The following KDM2B variants were observed in gnomAD, a reference collection of about 807,000 sequenced individuals.
KDM2B encodes the protein lysine demethylase 2B, also known as lysine-specific demethylase 2B.
Under a neutral mutation model 150.0 loss-of-function variants are expected in KDM2B, and 26 were observed. The ratio of observed to expected loss-of-function variants is 0.17; its 90% confidence interval spans 0.13 to 0.24. KDM2B has a LOEUF of 0.24. KDM2B is among the 10% of genes least tolerant of loss of function. The pLI is 1.00. For synonymous variants in KDM2B, 734 were observed against 729.5 expected (o/e 1.01, Z -0.10); for missense variants, 1,265 against 1,816.9 (o/e 0.70, Z 5.52).
At chr12:121,423,982 T>G in the KDM2B span, 2 of 160,840 alleles carry the variant, frequency 1.2e-5, no homozygotes. This position sits in a 1 kb window ranked among gnomAD's most constrained non-coding sequence, Gnocchi z 4.3. Context: ...TGTCCACAAG[T>G]GGCCGACATG....
intron 22 of KDM2B, among the ~76,000 whole-genome samples, chr12:121,431,321 T>C (rs1383754511): frequency 8.6e-6 from 1 of 116,728 alleles, no homozygotes; most frequent in Non-Finnish European, 1.9e-5. Context: ...TTTTTTTTTT[T>C]TGTAGTAAGT....
chr12:121,494,389 C>T (rs1446231920), intron 12 of KDM2B, 190 bp downstream of exon 12: 1 of 541,234 alleles, frequency 1.8e-6, no homozygotes, highest in Non-Finnish European at 3.3e-6. Context: ...TCGCAGTTCC[C>T]ACAGCTAGGT....
downstream of KDM2B, among the ~76,000 whole-genome samples, chr12:121,425,354 T>C (rs1227855779): frequency 6.6e-6 from 1 of 151,432 alleles, no homozygotes; most frequent in South Asian, 2.1e-4. Flanking sequence ...TGCAAAAATG[T>C]TGTGAAATCT....
chr12:121,545,127 C>T (rs1555310488), intron 6 of KDM2B, among the ~76,000 whole-genome samples: 1 of 152,188 alleles, frequency 6.6e-6, no homozygotes, highest in East Asian at 1.9e-4. Flanking sequence ...TTAAATTCTA[C>T]AGAACTGTTC....
At chr12:121,433,022 C>T (rs781842429) in intron 22 of KDM2B, 1 of 411,092 alleles carries the variant, frequency 2.4e-6, no homozygotes, top group Admixed American at 2.8e-5. Context: ...AGTTACCTGT[C>T]GGTGGTAAGG....
At chr12:121,443,152 C>T in intron 17 of KDM2B, 122 bp from the exon 18 acceptor site, 3 of 879,316 alleles carry the variant, frequency 3.4e-6, no homozygotes, top group Non-Finnish European at 5.4e-6. Flanking sequence ...GAGGCCTTCC[C>T]CACAAATGCC....
chr12:121,493,647 G>A (rs1011904602), intron 12 of KDM2B, among the ~76,000 whole-genome samples: 3 of 151,992 alleles, frequency 2.0e-5, no homozygotes, highest in Admixed American at 6.6e-5. Context: ...CTGTCCTAAC[G>A]GGTGACTTGA....
chr12:121,431,195 A>G (rs1430152269), intron 22 of KDM2B, among the ~76,000 whole-genome samples: 1 of 146,722 alleles, frequency 6.8e-6, no homozygotes, highest in African/African-American at 2.6e-5. Flanking sequence ...GCAATGGTGC[A>G]CTCTTGGCTC....
intron 22 of KDM2B, chr12:121,433,245 T>TA (rs1232952558): frequency 8.8e-6 from 4 of 455,988 alleles, no homozygotes; most frequent in African/African-American, 6.0e-5. Context: ...CTCTGTGCGT[T>TA]AGAGTTCACT....
chr12:121,536,147 C>A (rs1888076628), intron 6 of KDM2B: 2 of 976,608 alleles, frequency 2.0e-6, no homozygotes, highest in Non-Finnish European at 2.4e-6. Context: ...TGGGGCTGAG[C>A]TGGTTAGAAG....
At position 121,467,349 on chromosome 12, in the gene KDM2B, G is replaced by A. The variant is rs1376865887; in HGVS notation, c.1735-14005C>T. The A allele has an allele frequency of 5.3e-5, 52 of 981,502 alleles. No homozygotes were observed. Among genetic ancestry groups the A allele is most frequent in the Admixed American group, 6.3e-5 (1 of 15,860 alleles). 60.8% of individuals were successfully genotyped at this position (981,502 alleles called of 1,614,324 possible). On this transcript the variant is annotated intron_variant, in intron 12 of 22. Coordinates refer to ENST00000377071, the MANE Select transcript of KDM2B (RefSeq NM_032590.5). This position sits in a 1 kb window ranked among gnomAD's most constrained non-coding sequence, Gnocchi z 5.1. ...GGGCTCCCGCTGCCGCGAGGAGGGA[G>A]CCGCGCCGCGCGCCTCGCACGCCCG...
chr12:121,555,123 T>A (rs1299922465), intron 4 of KDM2B, among the ~76,000 whole-genome samples: 3 of 152,156 alleles, frequency 2.0e-5, no homozygotes, highest in Non-Finnish European at 4.4e-5. Context: ...CAGTGAGCAA[T>A]GGCTGTGCCA....
intron 10 of KDM2B, among the ~76,000 whole-genome samples, chr12:121,512,037 T>C (rs1294721602): frequency 6.6e-6 from 1 of 152,134 alleles, no homozygotes; most frequent in African/African-American, 2.4e-5. Context: ...GCCCTAAATG[T>C]CCAAGTGAAA....
chr12:121,444,819 GC>G, intron 14 of KDM2B: 1 of 519,704 alleles, frequency 1.9e-6, no homozygotes. Flanking sequence ...AAGTTAGTGT[GC>G]CCATCTCACT....
intron 12 of KDM2B, among the ~76,000 whole-genome samples, chr12:121,484,730 A>C (rs1882566168): frequency 6.6e-6 from 1 of 152,088 alleles, no homozygotes; most frequent in Non-Finnish European, 1.5e-5. Flanking sequence ...AGGTGGGAGG[A>C]TCCCTTGAGC....
At chr12:121,472,456 C>G (rs1880870352) in intron 12 of KDM2B, among the ~76,000 whole-genome samples, 1 of 152,086 alleles carries the variant, frequency 6.6e-6, no homozygotes, top group South Asian at 2.1e-4. Flanking sequence ...TACTTAATTG[C>G]TTTTTATTTT....
At chr12:121,525,623 G>T (rs782428131) in intron 8 of KDM2B, among the ~76,000 whole-genome samples, 1 of 152,048 alleles carries the variant, frequency 6.6e-6, no homozygotes, top group African/African-American at 2.4e-5. Flanking sequence ...TTCCCACCTG[G>T]CCCTAGCTGG....
In KDM2B at chr12:121,549,536, C is replaced by T; in HGVS notation, c.500G>A (p.Arg167Gln). 6.2e-7 allele frequency: 1 copy of T among 1,613,672 alleles called. No homozygotes were observed. Among genetic ancestry groups the T allele is most frequent in the Non-Finnish European group, 8.5e-7 (1 of 1,179,692 alleles). ...VRYYETPEAQ[R>Q]DKLYNVISLE... ...GCTGATGACGTTGTACAGCTTGTCCCGCTGGGCCTCGGGCGTCTCGTAGTA... is the reference window on the plus strand; with the variant it reads ...GCTGATGACGTTGTACAGCTTGTCCTGCTGGGCCTCGGGCGTCTCGTAGTA... Residue 167 changes from arginine to glutamine, a missense_variant, in exon 5 of 23, where the codon CGG becomes CAG. Physicochemically the swap from Arg to Gln is conservative, Grantham distance 43. Transcript: ENST00000377071. The surrounding 1 kb of genome is among the most constrained non-coding windows in gnomAD (Gnocchi z 4.4).
At chr12:121,433,490 G>C (rs1283048537) in intron 22 of KDM2B, among the ~76,000 whole-genome samples, 3 of 152,308 alleles carry the variant, frequency 2.0e-5, no homozygotes, top group Non-Finnish European at 4.4e-5. Context: ...GAGTAGCTGG[G>C]ACTATAGGTG....
Sources: allele counts gnomAD v4.1 joint callset (sites outside exome capture counted in the v4.1 genomes callset), GRCh38; gene constraint gnomAD v4.1.1; non-coding constraint Gnocchi (gnomAD v3.1); transcripts MANE v1.5; gene names NCBI Gene and HGNC (gene_info 2026-07-23, HGNC 2026-07-21).